The following PHF10 variants were observed in gnomAD, a reference collection of about 807,000 sequenced individuals.
PHF10 encodes the protein PHD finger protein 10.
In PHF10, 51 loss-of-function variants were observed where a neutral mutation model predicts 68.5. The observed-to-expected ratio is 0.74, with a 90% CI of 0.59 to 0.94. The LOEUF (loss-of-function observed/expected upper bound fraction) is 0.94, where lower values mean the gene tolerates loss of function less well. PHF10 is among the 40% of genes least tolerant of loss of function. PHF10 has a pLI of 0.00. For synonymous variants in PHF10, 204 were observed against 203.5 expected (o/e 1.00, Z -0.02); for missense variants, 460 against 602.6 (o/e 0.76, Z 2.48).
rs1789272057 is a variant in PHF10, at chr6:169,724,335, A to ACTCCCTCGCCTCAGCCCCGCCG, written c.-405_-404insCGGCGGGGCTGAGGCGAGGGAG. Among the ~76,000 whole-genome samples, 1 of 69,976 alleles carries ACTCCCTCGCCTCAGCCCCGCCG rather than the reference A, an allele frequency of 1.4e-5. No individual in the cohort carries two copies. Among genetic ancestry groups the ACTCCCTCGCCTCAGCCCCGCCG allele is most frequent in the Admixed American group, 1.5e-4 (1 of 6,482 alleles). The allele number at this position is 69,976 out of a possible 152,430, so 45.9% of individuals were successfully genotyped here. ...CGCCGCGACTCCCTTCAGCCCCGCC[A>ACTCCCTCGCCTCAGCCCCGCCG]CTCGCTCGCCTCAGCCCCGCCGCTC... On this transcript the variant is annotated 5_prime_UTR_variant, in exon 1 of 12. Transcript: ENST00000339209.
Position 169,719,465 on chromosome 6 carries a change from A to G in PHF10, c.195-547T>C, listed in dbSNP as rs1346344410. On this transcript the variant is annotated intron_variant, in intron 2 of 11. Coordinates refer to ENST00000339209, the MANE Select transcript of PHF10 (RefSeq NM_018288.4). ...GGACCTAGTTTGAAGGTGCCAGGGT[A>G]TCACAGTCGATCTCCATCCTGAGTA... 2.6e-5 allele frequency among the ~76,000 whole-genome samples: 4 copies of G among 152,256 alleles called. No individual in the cohort carries two copies. In the East Asian group the frequency reaches 7.7e-4, roughly 29 times the overall value.
chr6:169,718,665 G>A (rs1206391203), intron 3 of PHF10, 123 bp downstream of exon 3: 1 of 626,958 alleles, frequency 1.6e-6, no homozygotes, highest in Non-Finnish European at 2.7e-6. Context: ...GAGACCCTTA[G>A]TCTTAAAAAA....
chr6:169,709,658 A>G (rs756810043), intron 9 of PHF10: 2 of 152,244 alleles, frequency 1.3e-5, no homozygotes, highest in Non-Finnish European at 2.9e-5. Flanking sequence ...ATAGAATCAT[A>G]TAGGCTCTTT....
At chr6:169,718,376 A>G (rs1789099781) in intron 3 of PHF10, among the ~76,000 whole-genome samples, 1 of 152,240 alleles carries the variant, frequency 6.6e-6, no homozygotes, top group Non-Finnish European at 1.5e-5. Context: ...AGTAAATGAA[A>G]CACAGCCAGG....
intron 1 of PHF10, among the ~76,000 whole-genome samples, chr6:169,722,602 A>ACC (rs1789205992): frequency 6.6e-6 from 1 of 152,254 alleles, no homozygotes; most frequent in Admixed American, 6.5e-5. Context: ...GCATTATTAT[A>ACC]TAAAGTGAGC....
rs566504606 is a variant in PHF10, at chr6:169,721,185, ACTGT to A, written c.88-78_88-75del. Reference sequence around the variant, plus strand: ...AACAGTAAGTCTCAATAAATGAAAGACTGTCTAAGGACAACTAGTCATACAAGTA... The same window carrying A: ...AACAGTAAGTCTCAATAAATGAAAGACTAAGGACAACTAGTCATACAAGTA... On this transcript the variant is annotated intron_variant, in intron 1 of 11. Coordinates refer to ENST00000339209, the MANE Select transcript of PHF10 (RefSeq NM_018288.4). 427 of 864,808 alleles carry A rather than the reference ACTGT, an allele frequency of 4.9e-4. No homozygotes were observed. In the African/African-American group the frequency reaches 6.1e-3, roughly 12 times the overall value. The allele number at this position is 864,808 out of a possible 1,614,324, so 53.6% of individuals were successfully genotyped here.
intron 2 of PHF10, among the ~76,000 whole-genome samples, chr6:169,720,132 G>C (rs991317705): frequency 6.6e-6 from 1 of 152,000 alleles, no homozygotes; most frequent in Non-Finnish European, 1.5e-5. Context: ...ACACCTTTTA[G>C]GGTAACTATT....
intron 1 of PHF10, 84 bp downstream of exon 1, chr6:169,723,761 C>A: frequency 2.6e-6 from 1 of 383,598 alleles, no homozygotes; most frequent in Middle Eastern, 9.9e-4. Flanking sequence ...AGACGCTGGG[C>A]GGCCGCCGGT....
At chr6:169,708,524 A>G (rs1025617639) in intron 9 of PHF10, 9 of 152,142 alleles carry the variant, frequency 5.9e-5, no homozygotes, top group African/African-American at 2.2e-4. Context: ...TGTTCACATT[A>G]ATGTATGATG....
chr6:169,720,569 T>C (rs1789151833), intron 2 of PHF10, among the ~76,000 whole-genome samples: 2 of 152,202 alleles, frequency 1.3e-5, no homozygotes, highest in Non-Finnish European at 2.9e-5. Context: ...AAATATTTTA[T>C]GGTTCCACTT....
chr6:169,723,983 GGCCGCCGCC>G lies in PHF10; in HGVS notation c.-61_-53del, dbSNP rs1206663921. 9 of 507,274 alleles carry G rather than the reference GGCCGCCGCC, an allele frequency of 1.8e-5. No homozygotes were observed. Among genetic ancestry groups the G allele is most frequent in the Non-Finnish European group, 2.3e-5 (9 of 399,316 alleles). The allele number at this position is 507,274 out of a possible 1,614,324, so 31.4% of individuals were successfully genotyped here. Reference sequence around the variant, plus strand: ...GCCGCCGTCGCCTCCGCCTTGTCCCGGCCGCCGCCGCCGCTGCCGCCGCCGCCGCCGCCG... The same window carrying G: ...GCCGCCGTCGCCTCCGCCTTGTCCCGGCCGCTGCCGCCGCCGCCGCCGCCG... On this transcript the variant is annotated 5_prime_UTR_variant, in exon 1 of 12. Transcript: ENST00000339209.
intron 1 of PHF10, among the ~76,000 whole-genome samples, chr6:169,722,726 A>G (rs1562989738): frequency 2.0e-5 from 3 of 152,228 alleles, no homozygotes; most frequent in Non-Finnish European, 2.9e-5. Context: ...ACAGAGGCCC[A>G]TGTTTTCAAA....
chr6:169,705,870 T>C (rs915821309), intron 9 of PHF10, 146 bp from the exon 10 acceptor site: 1 of 629,330 alleles, frequency 1.6e-6, no homozygotes, highest in African/African-American at 1.8e-5. Context: ...GACAGGAGTC[T>C]GCCTACAATG....
In PHF10 at chr6:169,703,923, TA is replaced by T; in HGVS notation, c.*79del. 1 of 1,179,502 alleles carries T rather than the reference TA, an allele frequency of 8.5e-7. No individual in the cohort carries two copies. Among genetic ancestry groups the T allele is most frequent in the Non-Finnish European group, 1.2e-6 (1 of 841,892 alleles). 73.1% of individuals were successfully genotyped at this position (1,179,502 alleles called of 1,614,324 possible). A position where few individuals can be genotyped will look rare whatever the true frequency, so the allele number is the denominator to read the frequency against. On this transcript the variant is annotated 3_prime_UTR_variant, in exon 12 of 12. Coordinates refer to ENST00000339209, the MANE Select transcript of PHF10 (RefSeq NM_018288.4). ...CTCATAATTTGCAAAAAAAATCTTTTATTGGCATGAAAATAATGTTGTAAAT... is the reference window on the plus strand; with the variant it reads ...CTCATAATTTGCAAAAAAAATCTTTTTTGGCATGAAAATAATGTTGTAAAT...
At chr6:169,704,286 T>C in intron 11 of PHF10, 198 bp from the exon 12 acceptor site, 2 of 513,608 alleles carry the variant, frequency 3.9e-6, no homozygotes, top group Non-Finnish European at 3.4e-6. Flanking sequence ...GCAAAATTCA[T>C]TGCAAGTCAA....
At position 169,715,748 on chromosome 6, in the gene PHF10, C is replaced by A; in HGVS notation, c.653G>T (p.Arg218Leu). 2 of 1,612,612 alleles carry A rather than the reference C, an allele frequency of 1.2e-6. No individual in the cohort carries two copies. The highest frequency in any genetic ancestry group is 1.7e-6 in the Non-Finnish European group (2 of 1,179,922). The change falls in exon 6 of 12, where the codon CGC (arginine) becomes CTC (leucine). Residue 218 changes from arginine to leucine, a missense_variant. By Grantham distance (102) the Arg-to-Leu change is moderately radical. Around this residue, in one of 3 missense-constraint regions of PHF10, gnomAD observed 256 missense variants for 410.5 expected, o/e 0.62. Coordinates refer to ENST00000339209, the MANE Select transcript of PHF10 (RefSeq NM_018288.4). ...AAAATAAGCTCTTCTTTCTTCCATG[C>A]GTTCCCGGTTTAAGTTGCTATTAAA... ...AEFNSNLNRE[R>L]MEERRAYFDL...
intron 11 of PHF10, 106 bp downstream of exon 11, chr6:169,705,027 A>G (rs774895100): frequency 1.7e-5 from 13 of 752,230 alleles, no homozygotes; most frequent in Non-Finnish European, 2.8e-5. Context: ...TTTGCACATA[A>G]GAGTCCACAA....
At chr6:169,708,008 G>A (rs1415457518) in intron 9 of PHF10, 3 of 152,210 alleles carry the variant, frequency 2.0e-5, no homozygotes, top group Admixed American at 1.3e-4. Flanking sequence ...GCACAGTTGA[G>A]GGAGGGGTTA....
At chr6:169,721,944 T>A (rs1381343882) in intron 1 of PHF10, among the ~76,000 whole-genome samples, 1 of 152,168 alleles carries the variant, frequency 6.6e-6, no homozygotes, top group African/African-American at 2.4e-5. Context: ...AAAGAGGCAA[T>A]ATGGTATAGT....
Sources: gnomAD v4.1 joint callset for allele counts (sites outside exome capture counted in the v4.1 genomes callset) on GRCh38, gnomAD v4.1.1 for gene constraint, gnomAD v4.1.1 regional missense constraint, MANE v1.5 for transcripts, NCBI Gene and HGNC (gene_info 2026-07-23, HGNC 2026-07-21) for gene names.